The following NELFB variants were observed in gnomAD, a reference collection of about 807,000 sequenced individuals.
NELFB encodes negative elongation factor complex member B.
In NELFB, 34 loss-of-function variants were observed where a neutral mutation model predicts 60.2. That is an observed-to-expected ratio of 0.56 (90% confidence interval 0.43 to 0.75). The LOEUF (loss-of-function observed/expected upper bound fraction) is 0.75, where lower values mean the gene tolerates loss of function less well. Ranked by LOEUF, NELFB falls within the 30% of genes least tolerant of loss-of-function variation. The pLI is 0.00. For missense variants in NELFB, 770 were observed against 831.6 expected, an observed-to-expected ratio of 0.93 and a Z score of 0.91; for synonymous variants, 459 against 382.1, an observed-to-expected ratio of 1.20 and a Z score of -2.35.
rs571456323 is a variant in NELFB, at chr9:137,265,726, G to T, written c.1041-151G>T. ...GATGACAGGCTGAGCCGCCGCGCTC[G>T]GCCATCCTTAAGCTTTTTGTAAGAA... On this transcript the variant is annotated intron_variant, in intron 6 of 12. Transcript: ENST00000343053. 1.9e-4 allele frequency: 113 copies of T among 601,022 alleles called. 2 individuals are homozygous for T. In the East Asian group the frequency reaches 3.3e-3, roughly 18 times the overall value. 37.2% of individuals were successfully genotyped at this position (601,022 alleles called of 1,614,324 possible).
In NELFB at chr9:137,257,033, C is replaced by CA. The variant is rs1564441539; in HGVS notation, c.722dup (p.Thr242AspfsTer47). On this transcript the variant is annotated frameshift_variant, in exon 4 of 13. Coordinates refer to ENST00000343053, the MANE Select transcript of NELFB (RefSeq NM_015456.5). LOFTEE classifies it high-confidence loss of function. ...TGCACAACTTTTTCAGTCCTTCCCC[C>CA]AAGACCAGGCGCCAGGGCGAGGTGA... The CA allele has an allele frequency of 6.2e-7, 1 of 1,612,298 alleles. No homozygotes were observed. The highest frequency in any genetic ancestry group is 8.5e-7 in the Non-Finnish European group (1 of 1,178,924).
intron 7 of NELFB, 74 bp from the exon 8 acceptor site, chr9:137,266,257 C>T (rs1052230650): frequency 7.0e-5 from 92 of 1,313,610 alleles, no homozygotes; most frequent in East Asian, 2.6e-4. Context: ...TGCTGAGTAA[C>T]GAGTAGGGTC....
chr9:137,257,150 G>A, intron 4 of NELFB, 96 bp downstream of exon 4: 3 of 1,065,352 alleles, frequency 2.8e-6, no homozygotes, highest in Admixed American at 2.2e-5. Context: ...GCTGCCCTGT[G>A]AATGATCGGG....
intron 4 of NELFB, among the ~76,000 whole-genome samples, chr9:137,260,073 A>G (rs1223552590): frequency 7.0e-6 from 1 of 143,744 alleles, no homozygotes; most frequent in African/African-American, 2.6e-5. Flanking sequence ...TTTTTGAGAC[A>G]GAATCTTGCT....
intron 4 of NELFB, among the ~76,000 whole-genome samples, chr9:137,261,131 A>G (rs1444843166): frequency 6.7e-6 from 1 of 149,228 alleles, no homozygotes; most frequent in Non-Finnish European, 1.5e-5. Context: ...TCATGAGGTC[A>G]GGAGATCGAG....
chr9:137,263,153 G>A lies in NELFB; in HGVS notation c.858G>A (p.Arg286=). 6.2e-7 allele frequency: 1 copy of A among 1,614,018 alleles called. No individual in the cohort carries two copies. Among genetic ancestry groups the A allele is most frequent in the Non-Finnish European group, 8.5e-7 (1 of 1,180,000 alleles). The change falls in exon 5 of 13, where the codon CGG becomes CGA. Residue 286 remains arginine, a synonymous_variant. Coordinates refer to ENST00000343053, the MANE Select transcript of NELFB (RefSeq NM_015456.5). ...GGAATGTGCACTACTGCACGCTGCG[G>A]GCTGAGCTGCTCATGTCCCTGCACG...
chr9:137,264,578 G>A (rs1830496568), intron 6 of NELFB, among the ~76,000 whole-genome samples: 1 of 152,236 alleles, frequency 6.6e-6, no homozygotes, highest in Admixed American at 6.5e-5. Flanking sequence ...CCATTCTCCT[G>A]CCTCAGCCTC....
At position 137,256,151 on chromosome 9, in the gene NELFB, C is replaced by T; in HGVS notation, c.410+81C>T. The stretch of plus-strand genomic sequence containing the variant: ...GATCGACTCAGGGGCATTTATTGTC[C>T]TTTTGGCTCCACATCCTTGCTCCCA... On this transcript the variant is annotated intron_variant, in intron 2 of 12. Transcript: ENST00000343053. The T allele has an allele frequency of 2.7e-6, 4 of 1,489,812 alleles. No homozygotes were observed. In the South Asian group the frequency reaches 3.5e-5, roughly 13 times the overall value. The allele number at this position is 1,489,812 out of a possible 1,614,324, so 92.3% of individuals were successfully genotyped here. A position where few individuals can be genotyped will look rare whatever the true frequency, so the allele number is the denominator to read the frequency against.
In NELFB at chr9:137,269,898, G is replaced by A. The variant is rs565923698; in HGVS notation, c.1490-2183G>A. On this transcript the variant is annotated intron_variant, in intron 10 of 12. Coordinates refer to ENST00000343053, the MANE Select transcript of NELFB (RefSeq NM_015456.5). The surrounding 1 kb of genome is among the most constrained non-coding windows in gnomAD (Gnocchi z 5.3). ...GTGCATTTTCAGTCACATTTGGGGA[G>A]AGCACGCGTGTTCTTAAGTTTTTAG... Among the ~76,000 whole-genome samples the A allele has an allele frequency of 6.6e-5, 10 of 152,354 alleles. No homozygotes were observed. The highest frequency in any genetic ancestry group is 2.6e-4 in the Admixed American group (4 of 15,304).
At position 137,255,492 on chromosome 9, in the gene NELFB, G is replaced by C. The variant is rs764511248; in HGVS notation, c.127G>C (p.Val43Leu). The C allele has an allele frequency of 8.7e-5, 133 of 1,526,600 alleles. 1 individual carries two copies. In the South Asian group the frequency reaches 1.4e-3, roughly 17 times the overall value. 94.6% of individuals were successfully genotyped at this position (1,526,600 alleles called of 1,614,324 possible). A position where few individuals can be genotyped will look rare whatever the true frequency, so the allele number is the denominator to read the frequency against. The change falls in exon 1 of 13, where the codon GTG becomes CTG. Residue 43 changes from valine (V) to leucine (L), a missense_variant. By Grantham distance (32) the Val-to-Leu change is conservative (BLOSUM62 1). Transcript: ENST00000343053. Reference sequence around the variant, plus strand: ...TGGGGATGGGGCGCCTAGCCGGGCGGTGGCCGGGGCCTCGGCCATGTTCGC... The same window carrying C: ...TGGGGATGGGGCGCCTAGCCGGGCGCTGGCCGGGGCCTCGGCCATGTTCGC...
rs776650060 is a variant in NELFB, at chr9:137,263,173, T to C, written c.878T>C (p.Leu293Pro). The change falls in exon 5 of 13, where the codon CTG becomes CCG. Residue 293 changes from leucine to proline, a missense_variant. Leu to Pro is a moderately conservative substitution (Grantham distance 98). Transcript: ENST00000343053. ...CTGCGGGCTGAGCTGCTCATGTCCC[T>C]GCACGACCTGGACGTGGGTGAAATC... is the stretch of plus-strand genomic sequence containing the variant. 4 of 1,613,872 alleles carry C rather than the reference T, an allele frequency of 2.5e-6. No homozygotes were observed. The highest frequency in any genetic ancestry group is 3.4e-6 in the Non-Finnish European group (4 of 1,179,950).
In NELFB at chr9:137,273,216, T is replaced by A; in HGVS notation, c.*288T>A. ...TGTGTTAGGAAAAAACCACCTGTTTTCCAAGGGGAGAGGGCGGGGCCTGAG... is the reference window on the plus strand; with the variant it reads ...TGTGTTAGGAAAAAACCACCTGTTTACCAAGGGGAGAGGGCGGGGCCTGAG... On this transcript the variant is annotated 3_prime_UTR_variant, in exon 13 of 13. Coordinates refer to ENST00000343053, the MANE Select transcript of NELFB (RefSeq NM_015456.5). 4.2e-6 allele frequency: 1 copy of A among 240,808 alleles called. No individual in the cohort carries two copies. The highest frequency in any genetic ancestry group is 7.9e-6 in the Non-Finnish European group (1 of 126,186). The allele number at this position is 240,808 out of a possible 1,614,324, so 14.9% of individuals were successfully genotyped here.
At chr9:137,256,589 C>T (rs1837555478) in intron 3 of NELFB, among the ~76,000 whole-genome samples, 161 bp downstream of exon 3, 3 of 152,210 alleles carry the variant, frequency 2.0e-5, no homozygotes, top group Admixed American at 2.0e-4. Context: ...CCACATGAGC[C>T]GCGTGGAGAC....
At position 137,266,321 on chromosome 9, in the gene NELFB, C is replaced by T; in HGVS notation, c.1144-10C>T. 2 of 1,609,786 alleles carry T rather than the reference C, an allele frequency of 1.2e-6. No homozygotes were observed. The highest frequency in any genetic ancestry group is 1.7e-6 in the Non-Finnish European group (2 of 1,178,002). On this transcript the variant is annotated splice_polypyrimidine_tract_variant and intron_variant, in intron 7 of 12. Coordinates refer to ENST00000343053, the MANE Select transcript of NELFB (RefSeq NM_015456.5). ...GCCTGGGAGAGGCGCTGAGCCCGTC[C>T]TCCCTACAGGACAGCCCCGACCTCC...
Position 137,267,020 on chromosome 9 carries a change from A to C in NELFB, c.1316A>C (p.Gln439Pro). ...GATGACTACACTTTCAATGTGGATC[A>C]GAAACTTCCGGCTGAGGAGAAAGCC... The change falls in exon 9 of 13, where the codon CAG becomes CCG. Residue 439 changes from glutamine (Q) to proline (P), a missense_variant. Gln to Pro is a moderately conservative substitution (Grantham distance 76). Coordinates refer to ENST00000343053, the MANE Select transcript of NELFB (RefSeq NM_015456.5). The C allele has an allele frequency of 6.2e-7, 1 of 1,614,072 alleles. No individual in the cohort carries two copies. Among genetic ancestry groups the C allele is most frequent in the Non-Finnish European group, 8.5e-7 (1 of 1,180,014 alleles).
In NELFB at chr9:137,272,936, C is replaced by G; in HGVS notation, c.*8C>G. 1 of 1,509,074 alleles carries G rather than the reference C, an allele frequency of 6.6e-7. No homozygotes were observed. The highest frequency in any genetic ancestry group is 8.9e-7 in the Non-Finnish European group (1 of 1,124,732). The allele number at this position is 1,509,074 out of a possible 1,614,324, so 93.5% of individuals were successfully genotyped here. ...GCCCCTGCCCCGCTCTGAGGGCCCTCCAGACCTGCTCGGGTGCTGGGGCCA... is the reference window on the plus strand; with the variant it reads ...GCCCCTGCCCCGCTCTGAGGGCCCTGCAGACCTGCTCGGGTGCTGGGGCCA... On this transcript the variant is annotated 3_prime_UTR_variant, in exon 13 of 13. Coordinates refer to ENST00000343053, the MANE Select transcript of NELFB (RefSeq NM_015456.5).
At chr9:137,270,118 G>A (rs1564445665) in intron 10 of NELFB, among the ~76,000 whole-genome samples, 2 of 152,268 alleles carry the variant, frequency 1.3e-5, no homozygotes, top group African/African-American at 2.4e-5. Flanking sequence ...ATGTCTGGGT[G>A]TAAATCTGAG....
intron 3 of NELFB, 144 bp from the exon 4 acceptor site, chr9:137,256,680 T>G: frequency 1.3e-6 from 1 of 785,008 alleles, no homozygotes; most frequent in Non-Finnish European, 2.0e-6. Context: ...TCTGACATGC[T>G]GGGGCCGGGG....
intron 4 of NELFB, among the ~76,000 whole-genome samples, chr9:137,257,999 C>T (rs1364387269): frequency 1.3e-5 from 2 of 150,470 alleles, no homozygotes; most frequent in African/African-American, 2.5e-5. Context: ...GAGGTGGGGT[C>T]TGGCTATGTT....
Sources: allele counts gnomAD v4.1 joint callset (sites outside exome capture counted in the v4.1 genomes callset), GRCh38; gene constraint gnomAD v4.1.1; non-coding constraint Gnocchi (gnomAD v3.1); transcripts MANE v1.5; gene names NCBI Gene and HGNC (gene_info 2026-07-23, HGNC 2026-07-21).